The following FAM222B variants were observed in gnomAD, a reference collection of about 807,000 sequenced individuals.
FAM222B encodes protein FAM222B.
In FAM222B, 12 loss-of-function variants were observed where a neutral mutation model predicts 38.0. That is an observed-to-expected ratio of 0.32 (90% confidence interval 0.20 to 0.51). FAM222B has a LOEUF of 0.51. Ranked by LOEUF, FAM222B falls within the 20% of genes least tolerant of loss-of-function variation. FAM222B has a pLI of 0.97. For synonymous variants in FAM222B, 329 were observed against 317.2 expected (o/e 1.04, Z -0.40); for missense variants, 716 against 754.2 (o/e 0.95, Z 0.59).
chr17:28,849,316 C>A (rs2039166283), intron 1 of FAM222B: 1 of 151,690 alleles, frequency 6.6e-6, no homozygotes, highest in Admixed American at 6.6e-5. Flanking sequence ...TGACACTTAG[C>A]GATTTTCTAC....
intron 1 of FAM222B, chr17:28,834,229 T>C (rs192117647): frequency 6.6e-6 from 1 of 152,324 alleles, no homozygotes; most frequent in East Asian, 1.9e-4. Flanking sequence ...CCTTTTAAAG[T>C]CTAACTTCTA....
At chr17:28,838,923 G>C (rs2038942582) in intron 1 of FAM222B, among the ~76,000 whole-genome samples, 1 of 151,752 alleles carries the variant, frequency 6.6e-6, no homozygotes, top group South Asian at 2.1e-4. Context: ...AATAAAATAA[G>C]GCCGGGCATG....
chr17:28,797,255 T>C (rs1164692817), intron 1 of FAM222B, among the ~76,000 whole-genome samples: 1 of 152,022 alleles, frequency 6.6e-6, no homozygotes, highest in East Asian at 1.9e-4. Flanking sequence ...CTCAGCTTCC[T>C]AAAGTGCTGG....
At chr17:28,835,164 C>T (rs1352737039) in intron 1 of FAM222B, among the ~76,000 whole-genome samples, 2 of 151,868 alleles carry the variant, frequency 1.3e-5, no homozygotes, top group African/African-American at 4.8e-5. Context: ...TCAATCCTAG[C>T]CTCCTGAGTA....
At chr17:28,796,994 CTTTTTTT>C (rs34242589) in intron 1 of FAM222B, among the ~76,000 whole-genome samples, 31 of 81,610 alleles carry the variant, frequency 3.8e-4, no homozygotes, top group South Asian at 1.4e-3. Flanking sequence ...GTGGCTATTG[CTTTTTTT>C]TTTTTTTTTT....
intron 1 of FAM222B, among the ~76,000 whole-genome samples, chr17:28,795,616 GAGA>G (rs1233247231): frequency 2.6e-5 from 4 of 152,018 alleles, no homozygotes; most frequent in Admixed American, 1.3e-4. Flanking sequence ...ATTTTTTGTA[GAGA>G]AGGAGTTTCA....
At chr17:28,792,311 CAAAAA>C (rs71135853) in intron 1 of FAM222B, among the ~76,000 whole-genome samples, 1 of 110,194 alleles carries the variant, frequency 9.1e-6, no homozygotes, top group Non-Finnish European at 1.8e-5. Context: ...GACTCTGTCT[CAAAAA>C]AAAAAAAAAA....
At chr17:28,769,174 CTTT>C (rs35918064) in intron 1 of FAM222B, among the ~76,000 whole-genome samples, 2 of 82,542 alleles carry the variant, frequency 2.4e-5, no homozygotes, top group South Asian at 5.1e-4. Flanking sequence ...AATGTTAGTT[CTTT>C]TTTTTTTTTT....
intron 2 of FAM222B, among the ~76,000 whole-genome samples, chr17:28,765,963 TTA>T (rs925752407): frequency 1.4e-4 from 21 of 152,162 alleles, no homozygotes; most frequent in Non-Finnish European, 2.4e-4. Context: ...ACAGCATAGT[TTA>T]TTTCAGAGAT....
intron 1 of FAM222B, among the ~76,000 whole-genome samples, chr17:28,772,235 A>G (rs917669690): frequency 3.9e-5 from 6 of 152,168 alleles, no homozygotes; most frequent in Admixed American, 3.9e-4. Context: ...TTTGGAAAGA[A>G]CCAATCTTTG....
At chr17:28,850,557 C>A (rs1183930339) in intron 1 of FAM222B, among the ~76,000 whole-genome samples, 1 of 152,074 alleles carries the variant, frequency 6.6e-6, no homozygotes, top group African/African-American at 2.4e-5. Context: ...CTCGGCCTCC[C>A]GAAGTGCTGG....
intron 2 of FAM222B, among the ~76,000 whole-genome samples, chr17:28,763,433 G>T (rs2035180149): frequency 6.6e-6 from 1 of 152,276 alleles, no homozygotes; most frequent in African/African-American, 2.4e-5. Flanking sequence ...CTGGCCTTCA[G>T]CCTGAGAGTT....
intron 1 of FAM222B, among the ~76,000 whole-genome samples, chr17:28,786,480 A>G (rs747874958): frequency 2.0e-4 from 31 of 152,154 alleles, no homozygotes; most frequent in Non-Finnish European, 4.0e-4. Flanking sequence ...TTCTCAAGCA[A>G]TCCTAGCACA....
chr17:28,784,390 T>C (rs192585675), intron 1 of FAM222B, among the ~76,000 whole-genome samples: 4 of 149,862 alleles, frequency 2.7e-5, no homozygotes, highest in Non-Finnish European at 5.9e-5. Context: ...AGGACAGAAT[T>C]GCTGGAGCTC....
intron 1 of FAM222B, among the ~76,000 whole-genome samples, chr17:28,781,810 G>A (rs67327562): frequency 0.19 from 29,129 of 152,140 alleles, 2,912 homozygotes; most frequent in South Asian, 0.3. Context: ...AATTTCACTA[G>A]TATGTGGAAT....
chr17:28,818,556 T>TA (rs1266116049), intron 1 of FAM222B, among the ~76,000 whole-genome samples: 1 of 148,562 alleles, frequency 6.7e-6, no homozygotes, highest in Admixed American at 6.7e-5. Flanking sequence ...AGAATAAAAA[T>TA]AAAAAATAAA....
intron 1 of FAM222B, among the ~76,000 whole-genome samples, chr17:28,820,230 T>G (rs11651867): frequency 0.19 from 28,767 of 152,174 alleles, 2,861 homozygotes; most frequent in South Asian, 0.3. Flanking sequence ...AATTTTCCTC[T>G]ATTGTTAATG....
chr17:28,850,987 G>A lies in FAM222B; in HGVS notation c.-41+3963C>T, dbSNP rs192695600. 1.1e-3 allele frequency among the ~76,000 whole-genome samples: 163 copies of A among 151,366 alleles called. 1 individual carries two copies. Among genetic ancestry groups the A allele is most frequent in the Non-Finnish European group, 2.0e-3 (134 of 67,776 alleles). On this transcript the variant is annotated intron_variant, in intron 1 of 2. Coordinates refer to the FAM222B transcript ENST00000577513. The stretch of plus-strand genomic sequence containing the variant: ...TACAAAAATTAGCCGGGCTTGGTGG[G>A]GTGCGCCTGTAATCCCACCTACTCA...
upstream of FAM222B, among the ~76,000 whole-genome samples, chr17:28,843,758 C>G (rs1055887054): frequency 1.3e-5 from 2 of 151,812 alleles, no homozygotes; most frequent in Non-Finnish European, 2.9e-5. Flanking sequence ...AAATTTGGGT[C>G]TCTTTCAAGA....
Sources: gnomAD v4.1 joint callset for allele counts (sites outside exome capture counted in the v4.1 genomes callset) on GRCh38, gnomAD v4.1.1 for gene constraint, MANE v1.5 for transcripts, NCBI Gene and HGNC (gene_info 2026-07-23, HGNC 2026-07-21) for gene names.